Variants in RYR2 observed in about 807,000 individuals in gnomAD.
RYR2 encodes cardiac muscle ryanodine receptor-calcium release channel.
RYR2 carries 227 observed loss-of-function variants against 601.1 expected under a neutral mutation model. That is an observed-to-expected ratio of 0.38 (90% CI 0.34 to 0.42). The LOEUF (loss-of-function observed/expected upper bound fraction) is 0.42, where lower values mean the gene tolerates loss of function less well. Ranked by LOEUF, RYR2 falls within the 10% of genes least tolerant of loss-of-function variation. The pLI is 1.00. For missense variants in RYR2, 4,646 were observed against 6,156.5 expected (o/e 0.75, Z 8.21); for synonymous variants, 2,223 against 2,175.1 (o/e 1.02, Z -0.61).
At chr1:237,310,711 A>G (rs567647660) in intron 2 of RYR2, among the ~76,000 whole-genome samples, 1 of 152,288 alleles carries the variant, frequency 6.6e-6, no homozygotes, top group African/African-American at 2.4e-5. Context: ...AAACTTCTAA[A>G]TTGATTGAGT....
In RYR2 at chr1:237,550,628, C is replaced by T. The variant is rs533330664; in HGVS notation, c.3151C>T (p.Arg1051Cys). The change falls in exon 27 of 105, where the codon CGC (arginine) becomes TGC (cysteine). Residue 1051 changes from arginine (R) to cysteine (C), a missense_variant. This residue lies in a region of RYR2 where 1,807 missense variants were observed against 2,088.1 expected (regional missense o/e 0.87). Transcript: ENST00000366574. ...RTKKSNKDSL[R>C]EAVRTLLGYG... ...CAAGAAATCCAACAAGGACAGCCTC[C>T]GCGAGGCTGTGCGCACGCTGCTGGG... is the stretch of plus-strand genomic sequence containing the variant. 102 of 1,590,734 alleles carry T rather than the reference C, an allele frequency of 6.4e-5. 2 individuals are homozygous for T. The South Asian group carries it at 6.8e-4, about 11-fold the overall frequency.
chr1:237,522,125 C>T (rs1572704966), intron 24 of RYR2, among the ~76,000 whole-genome samples: 1 of 152,050 alleles, frequency 6.6e-6, no homozygotes, highest in African/African-American at 2.4e-5. Flanking sequence ...CCCCGCTCCC[C>T]CTACCCCACA....
chr1:237,551,530 CAAA>C (rs34940458), intron 27 of RYR2, among the ~76,000 whole-genome samples: 1 of 90,544 alleles, frequency 1.1e-5, no homozygotes, highest in Admixed American at 1.4e-4. Context: ...GACTCCGTCT[CAAA>C]AAAAAAAAAA....
Position 237,374,722 on chromosome 1 carries a change from G to T in RYR2, c.390G>T (p.Leu130=). The change falls in exon 7 of 105, where the codon CTG becomes CTT. Residue 130 remains leucine, a synonymous_variant. Coordinates refer to ENST00000366574, the MANE Select transcript of RYR2 (RefSeq NM_001035.3). ...ACTGATTTTGTACTTTGTAGTATCT[G>T]TGCTGCCTGTCCACCTCCCGGTCTT... The part of the protein sequence containing the change: ...LLRHSYSGMY[L]CCLSTSRSST... 1.2e-6 allele frequency: 2 copies of T among 1,611,928 alleles called. No homozygotes were observed. The highest frequency in any genetic ancestry group is 1.7e-6 in the Non-Finnish European group (2 of 1,178,866).
Position 237,542,340 on chromosome 1 carries a change from G to A in RYR2, c.2907-6091G>A, listed in dbSNP as rs189344645. ...ACTCCCGACCTTAGGTGATCCGCCCGCCTCAGCCTCCCATGTATTATTAGT... is the reference window on the plus strand; with the variant it reads ...ACTCCCGACCTTAGGTGATCCGCCCACCTCAGCCTCCCATGTATTATTAGT... On this transcript the variant is annotated intron_variant, in intron 25 of 104. Transcript: ENST00000366574. Among the ~76,000 whole-genome samples, 8 of 152,166 alleles carry A rather than the reference G, an allele frequency of 5.3e-5. No homozygotes were observed. In the East Asian group the frequency reaches 5.8e-4, roughly 11 times the overall value.
At chr1:237,228,457 G>A (rs757622064) in intron 1 of RYR2, among the ~76,000 whole-genome samples, 11 of 152,016 alleles carry the variant, frequency 7.2e-5, no homozygotes, top group East Asian at 3.9e-4. Context: ...TATCTTTTTC[G>A]TATAATGCCT....
chr1:237,173,778 C>T (rs534906041), intron 1 of RYR2, among the ~76,000 whole-genome samples: 4 of 152,198 alleles, frequency 2.6e-5, no homozygotes, highest in South Asian at 2.1e-4. Context: ...GAGTGTTGGC[C>T]GGGCGCGGTG....
rs764229414 is a variant in RYR2 at position 237,707,021 on chromosome 1, T to C, written c.9653T>C (p.Ile3218Thr). 1.2e-6 allele frequency: 2 copies of C among 1,613,864 alleles called. No individual in the cohort carries two copies. The highest frequency in any genetic ancestry group is 2.2e-5 in the South Asian group (2 of 91,064). Residue 3218 changes from isoleucine (I) to threonine (T), a missense_variant, in exon 68 of 105, where the codon ATC becomes ACC. Transcript: ENST00000366574. ...IPSLEKLMEE[I>T]VELAESGIRY... ...TCTTTGGAGAAACTCATGGAAGAAA[T>C]CGTGGAATTAGCCGAGTCCGGCATT...
chr1:237,710,490 C>T (rs1389360239), intron 70 of RYR2, among the ~76,000 whole-genome samples: 1 of 151,944 alleles, frequency 6.6e-6, no homozygotes, highest in East Asian at 1.9e-4. Context: ...AACTTAATAG[C>T]AAACTTTATA....
intron 68 of RYR2, among the ~76,000 whole-genome samples, chr1:237,707,953 T>C (rs1688520518): frequency 6.6e-6 from 1 of 150,452 alleles, no homozygotes; most frequent in Non-Finnish European, 1.5e-5. Context: ...TTTTTTTTTT[T>C]TTTTTTTTAG....
At chr1:237,211,285 T>C (rs973925575) in intron 1 of RYR2, among the ~76,000 whole-genome samples, 20 of 152,308 alleles carry the variant, frequency 1.3e-4, no homozygotes, top group African/African-American at 4.8e-4. Context: ...TGCCAGTATT[T>C]AGATTTGACT....
intron 7 of RYR2, among the ~76,000 whole-genome samples, chr1:237,375,126 T>A (rs1700920533): frequency 6.6e-6 from 1 of 152,188 alleles, no homozygotes; most frequent in Non-Finnish European, 1.5e-5. Context: ...CATGTCTCTC[T>A]CAAAAATGTT....
rs1269464809 is a variant in RYR2, at chr1:237,705,174, C to G, written c.9450-39C>G. 3 of 1,578,878 alleles carry G rather than the reference C, an allele frequency of 1.9e-6. No homozygotes were observed. In the South Asian group the frequency reaches 3.4e-5, roughly 18 times the overall value. The stretch of plus-strand genomic sequence containing the variant: ...GTAATATGACTTTTTTAGTTACTCA[C>G]TTGGAAGACCTTAAAACATAAGCAT... On this transcript the variant is annotated intron_variant, in intron 66 of 104. Coordinates refer to ENST00000366574, the MANE Select transcript of RYR2 (RefSeq NM_001035.3).
chr1:237,566,797 C>T, intron 28 of RYR2, 22 bp downstream of exon 28: 1 of 1,612,446 alleles, frequency 6.2e-7, no homozygotes, highest in Non-Finnish European at 8.5e-7. Flanking sequence ...TTGTCCTGTG[C>T]CAGTCATCTG....
At chr1:237,219,788 T>A (rs1465197477) in intron 1 of RYR2, among the ~76,000 whole-genome samples, 24 of 152,196 alleles carry the variant, frequency 1.6e-4, no homozygotes, top group Non-Finnish European at 3.5e-4. Context: ...GAGATTACCA[T>A]AAATTTGAAG....
At chr1:237,821,880 T>G (rs1303804254) in intron 101 of RYR2, among the ~76,000 whole-genome samples, 2 of 151,076 alleles carry the variant, frequency 1.3e-5, no homozygotes, top group Non-Finnish European at 2.9e-5. Context: ...GTGAAGCATA[T>G]ATAAGTAGCA....
intron 2 of RYR2, among the ~76,000 whole-genome samples, chr1:237,278,907 G>T (rs554847361): frequency 2.0e-5 from 3 of 152,136 alleles, no homozygotes; most frequent in Non-Finnish European, 4.4e-5. Context: ...TGATTAAGTG[G>T]AATAACTGCC....
chr1:237,044,107 C>A (rs945402827), intron 1 of RYR2, among the ~76,000 whole-genome samples: 1 of 152,062 alleles, frequency 6.6e-6, no homozygotes, highest in Non-Finnish European at 1.5e-5. Flanking sequence ...GGAAGAGCCT[C>A]TTCACTAATA....
At chr1:237,787,012 G>C (rs1242014442) in intron 91 of RYR2, among the ~76,000 whole-genome samples, 1 of 151,880 alleles carries the variant, frequency 6.6e-6, no homozygotes, top group Non-Finnish European at 1.5e-5. Flanking sequence ...ATTAAGTATA[G>C]CTTATATATA....
Sources: gnomAD v4.1 joint callset for allele counts (sites outside exome capture counted in the v4.1 genomes callset) on GRCh38, gnomAD v4.1.1 for gene constraint, gnomAD v4.1.1 regional missense constraint, MANE v1.5 for transcripts, NCBI Gene and HGNC (gene_info 2026-07-23, HGNC 2026-07-21) for gene names.